The following PTPRR variants were observed in gnomAD, a reference collection of about 807,000 sequenced individuals.
The protein encoded by PTPRR is protein tyrosine phosphatase receptor type R.
PTPRR carries 38 observed loss-of-function variants against 77.2 expected under a neutral mutation model. That is an observed-to-expected ratio of 0.49 (90% confidence interval 0.38 to 0.65). PTPRR has a LOEUF of 0.65. Ranked by LOEUF, PTPRR falls within the 30% of genes least tolerant of loss-of-function variation. The pLI, the probability that PTPRR is intolerant of heterozygous loss-of-function variation, is 0.00. For missense variants in PTPRR, 744 were observed against 799.2 expected, an observed-to-expected ratio of 0.93 and a Z score of 0.83; for synonymous variants, 299 against 283.1, an observed-to-expected ratio of 1.06 and a Z score of -0.57.
At chr12:70,829,182 A>C (rs988007569) in intron 2 of PTPRR, among the ~76,000 whole-genome samples, 6 of 152,064 alleles carry the variant, frequency 3.9e-5, no homozygotes, top group African/African-American at 1.4e-4. Flanking sequence ...CATAATAGGC[A>C]TTCAATGAAT....
In PTPRR at chr12:70,671,866, C is replaced by T; in HGVS notation, c.1498-9261G>A. ...GCACCTGCTGTCCTTGACCTCTGGC[C>T]CCACAAGCACTAACCCAGCGCAGGA... On this transcript the variant is annotated intron_variant, in intron 10 of 13. Transcript: ENST00000283228. 3 of 630,058 alleles carry T rather than the reference C, an allele frequency of 4.8e-6. No homozygotes were observed. In the East Asian group the frequency reaches 8.1e-5, roughly 17 times the overall value. The allele number at this position is 630,058 out of a possible 1,614,324, so 39.0% of individuals were successfully genotyped here.
At chr12:70,666,958 T>G (rs112838160) in intron 10 of PTPRR, among the ~76,000 whole-genome samples, 4 of 106,310 alleles carry the variant, frequency 3.8e-5, no homozygotes, top group African/African-American at 1.1e-4. Context: ...TTTTTTTTTT[T>G]TTTTTTTTTT....
chr12:70,743,603 C>A (rs1039773768), intron 6 of PTPRR, among the ~76,000 whole-genome samples: 1 of 152,078 alleles, frequency 6.6e-6, no homozygotes, highest in Non-Finnish European at 1.5e-5. Context: ...AGAGAATAGT[C>A]TTTTCCTGCT....
intron 2 of PTPRR, among the ~76,000 whole-genome samples, chr12:70,797,373 A>G (rs1194756876): frequency 6.6e-6 from 1 of 152,056 alleles, no homozygotes. Flanking sequence ...TTCATTTTCT[A>G]CATCATCAGT....
intron 8 of PTPRR, among the ~76,000 whole-genome samples, chr12:70,690,705 C>T (rs1249349354): frequency 6.6e-6 from 1 of 152,182 alleles, no homozygotes; most frequent in Non-Finnish European, 1.5e-5. Flanking sequence ...TGTTCACTGA[C>T]AGCACAAGTA....
chr12:70,638,493 A>G lies in PTPRR; in HGVS notation c.*691T>C, dbSNP rs1320185104. The G allele has an allele frequency of 6.6e-6, 1 of 152,648 alleles. No individual in the cohort carries two copies. Among genetic ancestry groups the G allele is most frequent in the East Asian group, 1.9e-4 (1 of 5,194 alleles). 9.5% of individuals were successfully genotyped at this position (152,648 alleles called of 1,614,324 possible). ...GGAGCAGAAGCCACCTTTATGCCCAATAATAGAGAGTAAATACATATATAC... is the reference window on the plus strand; with the variant it reads ...GGAGCAGAAGCCACCTTTATGCCCAGTAATAGAGAGTAAATACATATATAC... On this transcript the variant is annotated 3_prime_UTR_variant, in exon 14 of 14. Coordinates refer to ENST00000283228, the MANE Select transcript of PTPRR (RefSeq NM_002849.4).
At chr12:70,835,991 T>C (rs1290857626) in intron 2 of PTPRR, among the ~76,000 whole-genome samples, 1 of 152,088 alleles carries the variant, frequency 6.6e-6, no homozygotes, top group Non-Finnish European at 1.5e-5. Flanking sequence ...ACTTGTCCCC[T>C]TTTTCCCCTT....
chr12:70,818,073 G>A (rs781089004), intron 2 of PTPRR, among the ~76,000 whole-genome samples: 1 of 151,920 alleles, frequency 6.6e-6, no homozygotes, highest in Non-Finnish European at 1.5e-5. Context: ...TTAGCCGGAT[G>A]TGGTGGTGCC....
At chr12:70,851,956 A>G (rs1004472390) in intron 2 of PTPRR, among the ~76,000 whole-genome samples, 2 of 152,016 alleles carry the variant, frequency 1.3e-5, no homozygotes, top group Admixed American at 6.6e-5. Context: ...AATATTTTGT[A>G]TCTAATCATG....
chr12:70,694,082 T>C (rs1184732187), intron 8 of PTPRR, among the ~76,000 whole-genome samples: 1 of 152,204 alleles, frequency 6.6e-6, no homozygotes, highest in Non-Finnish European at 1.5e-5. Context: ...ATAAATGTTT[T>C]TGTTGGGGTA....
intron 2 of PTPRR, among the ~76,000 whole-genome samples, chr12:70,873,508 A>G (rs1048838558): frequency 1.8e-4 from 28 of 152,168 alleles, no homozygotes; most frequent in African/African-American, 6.8e-4. Flanking sequence ...TGTTGAGTCT[A>G]CAATAAAAGT....
chr12:70,812,062 T>C (rs1471022309), intron 2 of PTPRR, among the ~76,000 whole-genome samples: 1 of 152,228 alleles, frequency 6.6e-6, no homozygotes, highest in African/African-American at 2.4e-5. Flanking sequence ...GTCAAAGTGA[T>C]CCCTCAGTCT....
chr12:70,746,888 C>T (rs1592727914), intron 5 of PTPRR, among the ~76,000 whole-genome samples: 1 of 151,058 alleles, frequency 6.6e-6, no homozygotes, highest in Non-Finnish European at 1.5e-5. Context: ...TATGTCAGTC[C>T]ACCTCCTTGT....
chr12:70,742,304 G>A (rs1486486907), intron 6 of PTPRR, among the ~76,000 whole-genome samples: 1 of 152,154 alleles, frequency 6.6e-6, no homozygotes, highest in Non-Finnish European at 1.5e-5. Context: ...AAAAGCTTAG[G>A]TTGAGTTACA....
At chr12:70,747,480 A>C (rs148554933) in intron 5 of PTPRR, among the ~76,000 whole-genome samples, 17 of 152,346 alleles carry the variant, frequency 1.1e-4, no homozygotes, top group Admixed American at 2.0e-4. Flanking sequence ...GCCTGTTTAC[A>C]CTTGGATTTT....
chr12:70,662,137 G>A (rs990682597), intron 11 of PTPRR, among the ~76,000 whole-genome samples: 19 of 151,780 alleles, frequency 1.3e-4, no homozygotes, highest in Non-Finnish European at 5.9e-5. Flanking sequence ...CAGGCCTTAC[G>A]CAAAGCTGCT....
intron 2 of PTPRR, among the ~76,000 whole-genome samples, chr12:70,797,563 T>A (rs1229839705): frequency 6.6e-6 from 1 of 152,186 alleles, no homozygotes; most frequent in Non-Finnish European, 1.5e-5. Context: ...TCTATTCTGC[T>A]CTTCAATCAC....
At chr12:70,757,316 A>G (rs1592736891) in intron 4 of PTPRR, among the ~76,000 whole-genome samples, 2 of 152,318 alleles carry the variant, frequency 1.3e-5, no homozygotes, top group African/African-American at 4.8e-5. Flanking sequence ...GTAATTTGCA[A>G]TTGAACAACA....
chr12:70,684,005 T>C (rs1887767518), intron 10 of PTPRR, 122 bp downstream of exon 10: 2 of 1,072,634 alleles, frequency 1.9e-6, no homozygotes, highest in Non-Finnish European at 2.6e-6. Flanking sequence ...TTAAGTGACT[T>C]AGCCTTTAAA....
Sources: gnomAD v4.1 joint callset for allele counts (sites outside exome capture counted in the v4.1 genomes callset) on GRCh38, gnomAD v4.1.1 for gene constraint, MANE v1.5 for transcripts, NCBI Gene and HGNC (gene_info 2026-07-23, HGNC 2026-07-21) for gene names.